PDCD11: variants seen among roughly 807,000 people sequenced by gnomAD.
The protein encoded by PDCD11 is protein RRP5 homolog.
PDCD11 carries 97 observed loss-of-function variants against 198.9 expected under a neutral mutation model. The observed-to-expected ratio is 0.49, with a 90% confidence interval of 0.41 to 0.58. The LOEUF (loss-of-function observed/expected upper bound fraction) is 0.58, where lower values mean the gene tolerates loss of function less well. Among genes scored for constraint, PDCD11 ranks in the 20% least tolerant of loss-of-function variants. PDCD11 has a pLI of 0.00. For synonymous variants in PDCD11, 893 were observed against 918.0 expected (o/e 0.97, Z 0.49); for missense variants, 2,102 against 2,312.7 (o/e 0.91, Z 1.87).
At chr10:103,422,787 G>T (rs1401425102) in intron 17 of PDCD11, among the ~76,000 whole-genome samples, 1 of 152,166 alleles carries the variant, frequency 6.6e-6, no homozygotes, top group Non-Finnish European at 1.5e-5. Context: ...GGTCAGGTAG[G>T]ATTATTAGCA....
At chr10:103,435,122 C>A in intron 25 of PDCD11, 147 bp downstream of exon 25, 1 of 480,882 alleles carries the variant, frequency 2.1e-6, no homozygotes, top group Non-Finnish European at 3.5e-6. Context: ...GTTTCTCTAC[C>A]ACTTTTTGCC....
At position 103,440,392 on chromosome 10, in the gene PDCD11, AGAG is replaced by A; in HGVS notation, c.4255_4257del (p.Glu1419del). 1 of 1,614,250 alleles carries A rather than the reference AGAG, an allele frequency of 6.2e-7. No individual in the cohort carries two copies. Among genetic ancestry groups the A allele is most frequent in the Non-Finnish European group, 8.5e-7 (1 of 1,180,036 alleles). On this transcript the variant is annotated inframe_deletion, in exon 29 of 36. Coordinates refer to ENST00000369797, the MANE Select transcript of PDCD11 (RefSeq NM_014976.2). Reference sequence around the variant, plus strand: ...CCTTGGAAGGGCAACTTACAAAGCAAGAGGAGAGGAAAACAGAGGCTGAGGAGA... The same window carrying A: ...CCTTGGAAGGGCAACTTACAAAGCAAGAGAGGAAAACAGAGGCTGAGGAGA...
chr10:103,409,950 T>G, intron 8 of PDCD11, 144 bp downstream of exon 8: 1 of 648,082 alleles, frequency 1.5e-6, no homozygotes, highest in Non-Finnish European at 2.8e-6. Flanking sequence ...AAAAGTGTTA[T>G]GGAGGCCAGA....
rs2032580890 is a variant in PDCD11, at chr10:103,445,666, C to T, written c.*117C>T. 1 of 772,426 alleles carries T rather than the reference C, an allele frequency of 1.3e-6. No individual in the cohort carries two copies. Among genetic ancestry groups the T allele is most frequent in the East Asian group, 2.7e-5 (1 of 36,916 alleles). 47.8% of individuals were successfully genotyped at this position (772,426 alleles called of 1,614,324 possible). A position where few individuals can be genotyped will look rare whatever the true frequency, so the allele number is the denominator to read the frequency against. ...CTCTATTTAAATGCTGCTTTTTCTG[C>T]AGCACGCTTGGGGAAATCCTGTCAG... On this transcript the variant is annotated 3_prime_UTR_variant, in exon 36 of 36. Transcript: ENST00000369797.
Position 103,425,108 on chromosome 10 carries a change from TC to T in PDCD11, c.2890del (p.Arg964AlafsTer15), listed in dbSNP as rs1564769522. 6.2e-7 allele frequency: 1 copy of T among 1,614,174 alleles called. No individual in the cohort carries two copies. Among genetic ancestry groups the T allele is most frequent in the Admixed American group, 1.7e-5 (1 of 60,026 alleles). ...CTGACCTCTCACCTCAACGACACCTTCCGCTTTGACTCAGAGAAATTGCAGG... is the reference window on the plus strand; with the variant it reads ...CTGACCTCTCACCTCAACGACACCTTCGCTTTGACTCAGAGAAATTGCAGG... ...FSLTSHLNDT[F>X]RFDSEKLQVG... On this transcript the variant is annotated frameshift_variant, in exon 20 of 36. Coordinates refer to ENST00000369797, the MANE Select transcript of PDCD11 (RefSeq NM_014976.2). LOFTEE classifies it high-confidence loss of function.
rs2030426547 is a variant in PDCD11, at chr10:103,406,049, G to A, written c.629G>A (p.Gly210Glu). ...HGYLVDIGVD[G>E]TRAFLPLLKA... Reference sequence around the variant, plus strand: ...TACCTAGTGGACATTGGTGTTGATGGGACCAGAGCTTTTCTGCCACTGCTG... The same window carrying A: ...TACCTAGTGGACATTGGTGTTGATGAGACCAGAGCTTTTCTGCCACTGCTG... The change falls in exon 6 of 36, where the codon GGG becomes GAG. Residue 210 changes from glycine to glutamate, a missense_variant. Gly to Glu is a moderately conservative substitution (Grantham distance 98). Coordinates refer to ENST00000369797, the MANE Select transcript of PDCD11 (RefSeq NM_014976.2). 6.2e-7 allele frequency: 1 copy of A among 1,614,128 alleles called. No homozygotes were observed. The highest frequency in any genetic ancestry group is 8.5e-7 in the Non-Finnish European group (1 of 1,179,988).
rs1313722581 is a variant in PDCD11 at position 103,415,073 on chromosome 10, A to G, written c.1440A>G (p.Val480=). The G allele has an allele frequency of 5.6e-6, 9 of 1,613,782 alleles. No individual in the cohort carries two copies. The highest frequency in any genetic ancestry group is 1.1e-5 in the South Asian group (1 of 91,060). The stretch of plus-strand genomic sequence containing the variant: ...TGGGCGAGCAGATGAGGGGCCTGGT[A>G]CCTCCCATGCACCTGGCTGACATCC... ...VKVGEQMRGL[V]PPMHLADILM... is the part of the protein sequence containing the mutation. Residue 480 remains valine (V), a synonymous_variant, in exon 12 of 36, where the codon GTA becomes GTG. Coordinates refer to ENST00000369797, the MANE Select transcript of PDCD11 (RefSeq NM_014976.2).
intron 8 of PDCD11, among the ~76,000 whole-genome samples, chr10:103,410,999 C>T (rs1386758466): frequency 6.6e-6 from 1 of 151,576 alleles, no homozygotes; most frequent in African/African-American, 2.4e-5. Context: ...CGCTTGAACC[C>T]AGGAGGCAGA....
intron 19 of PDCD11, among the ~76,000 whole-genome samples, chr10:103,424,060 A>C (rs1210395155): frequency 1.3e-5 from 2 of 152,208 alleles, no homozygotes; most frequent in African/African-American, 2.4e-5. Flanking sequence ...TTTGATTTTT[A>C]AGAGAAGGCA....
intron 25 of PDCD11, among the ~76,000 whole-genome samples, chr10:103,436,343 C>G (rs958068505): frequency 6.6e-6 from 1 of 152,214 alleles, no homozygotes; most frequent in African/African-American, 2.4e-5. Flanking sequence ...CTTAAGTGAT[C>G]TGCCTGCCTT....
At chr10:103,429,660 A>G (rs2031844601) in intron 21 of PDCD11, among the ~76,000 whole-genome samples, 1 of 152,096 alleles carries the variant, frequency 6.6e-6, no homozygotes, top group Non-Finnish European at 1.5e-5. Flanking sequence ...TAACACATAC[A>G]TTTACCCTCA....
intron 10 of PDCD11, 42 bp from the exon 11 acceptor site, chr10:103,414,228 C>T (rs2030974105): frequency 6.3e-7 from 1 of 1,596,252 alleles, no homozygotes; most frequent in East Asian, 2.2e-5. Context: ...TAGGCAACCT[C>T]TGCCCTAGTT....
Position 103,406,608 on chromosome 10 carries a change from G to A in PDCD11, c.689-1G>A. 6.2e-7 allele frequency: 1 copy of A among 1,613,626 alleles called. No individual in the cohort carries two copies. The highest frequency in any genetic ancestry group is 8.5e-7 in the Non-Finnish European group (1 of 1,179,818). On this transcript the variant is annotated splice_acceptor_variant, in intron 6 of 35. Transcript: ENST00000369797. LOFTEE classifies it high-confidence loss of function. The stretch of plus-strand genomic sequence containing the variant: ...TTTGGGGCCTGGGTCTGGGCTTACA[G>A]GTGCTAAACTAAAGGTGGGTCAGTA...
chr10:103,407,916 A>G (rs1263920437), intron 7 of PDCD11, among the ~76,000 whole-genome samples: 1 of 151,822 alleles, frequency 6.6e-6, no homozygotes, highest in Non-Finnish European at 1.5e-5. Flanking sequence ...ACAGGGTTTC[A>G]CCATGTTGGC....
At chr10:103,411,391 G>A (rs2030796918) in intron 8 of PDCD11, among the ~76,000 whole-genome samples, 1 of 152,006 alleles carries the variant, frequency 6.6e-6, no homozygotes, top group South Asian at 2.1e-4. Context: ...TTTGAGACAA[G>A]GTCACACACT....
chr10:103,406,798 G>A lies in PDCD11; in HGVS notation c.870+8G>A, dbSNP rs2030482633. 6 of 1,590,690 alleles carry A rather than the reference G, an allele frequency of 3.8e-6. No individual in the cohort carries two copies. Among genetic ancestry groups the A allele is most frequent in the South Asian group, 1.1e-5 (1 of 87,984 alleles). On this transcript the variant is annotated splice_region_variant and intron_variant, in intron 7 of 35. Transcript: ENST00000369797. ...AAAGCTCAGGTACAGAAGGTAAGCT[G>A]TTATGCTACTACTACTTTTTAAAAT...
At position 103,445,835 on chromosome 10, in the gene PDCD11, C is replaced by G. The variant is rs1430369954; in HGVS notation, c.*286C>G. 2.8e-6 allele frequency: 1 copy of G among 359,048 alleles called. No homozygotes were observed. Among genetic ancestry groups the G allele is most frequent in the Non-Finnish European group, 5.2e-6 (1 of 193,452 alleles). 22.2% of individuals were successfully genotyped at this position (359,048 alleles called of 1,614,324 possible). On this transcript the variant is annotated 3_prime_UTR_variant, in exon 36 of 36. Transcript: ENST00000369797. ...ACTCCCAGAAATGCTGAGGGTCCCT[C>G]TTCCAGGGGAGTTCCCTGGGGAGCA...
chr10:103,401,396 C>G (rs1249857836), intron 3 of PDCD11, among the ~76,000 whole-genome samples: 1 of 152,060 alleles, frequency 6.6e-6, no homozygotes, highest in African/African-American at 2.4e-5. Context: ...CCTCAGCCTC[C>G]TGAGTAGCTG....
chr10:103,422,812 G>T (rs1157269978), intron 17 of PDCD11, among the ~76,000 whole-genome samples, 176 bp from the exon 18 acceptor site: 3 of 152,158 alleles, frequency 2.0e-5, no homozygotes, highest in Non-Finnish European at 4.4e-5. Context: ...GCTTAGGTCT[G>T]TCTGCTTGTG....
Sources: allele counts gnomAD v4.1 joint callset (sites outside exome capture counted in the v4.1 genomes callset), GRCh38; gene constraint gnomAD v4.1.1; transcripts MANE v1.5; gene names NCBI Gene and HGNC (gene_info 2026-07-23, HGNC 2026-07-21).